REV1: variants seen among roughly 807,000 people sequenced by gnomAD.
The protein encoded by REV1 is REV1 DNA directed polymerase.
Under a neutral mutation model 137.4 loss-of-function variants are expected in REV1, and 42 were observed. The ratio of observed to expected loss-of-function variants is 0.31; its 90% confidence interval spans 0.24 to 0.40. The LOEUF (loss-of-function observed/expected upper bound fraction) is 0.40, where lower values mean the gene tolerates loss of function less well. Ranked by LOEUF, REV1 falls within the 10% of genes least tolerant of loss-of-function variation. The probability of loss-of-function intolerance (pLI) is 1.00; values close to 1 mark genes in which losing one functional copy is unlikely to be tolerated. For synonymous variants in REV1, 524 were observed against 519.2 expected (o/e 1.01, Z -0.12); for missense variants, 1,282 against 1,490.1 (o/e 0.86, Z 2.30).
rs1317040629 is a variant in REV1, at chr2:99,403,038, T to C, written c.3235A>G (p.Thr1079Ala). Reference protein sequence around the residue: ...KEKKRNKKKKTIGSPKRIQSP... With the variant: ...KEKKRNKKKKAIGSPKRIQSP... ...TGAATCCTTTTTGGTGAACCAATGG[T>C]TTTTTTCTTCTTGTTTCTTTTCTTT... The change falls in exon 20 of 23, where the codon ACC becomes GCC. Residue 1079 changes from threonine (T) to alanine (A), a missense_variant. Transcript: ENST00000258428. 4 of 1,613,836 alleles carry C rather than the reference T, an allele frequency of 2.5e-6. No homozygotes were observed. The South Asian group carries it at 4.4e-5, about 18-fold the overall frequency.
chr2:99,411,443 G>C (rs995955815), intron 13 of REV1, among the ~76,000 whole-genome samples: 1 of 110,928 alleles, frequency 9.0e-6, no homozygotes, highest in Non-Finnish European at 1.9e-5. Flanking sequence ...TCTCATTCTT[G>C]TCCCCCAGGC....
chr2:99,429,744 T>G, intron 9 of REV1, 96 bp downstream of exon 9: 1 of 782,580 alleles, frequency 1.3e-6, no homozygotes, highest in Non-Finnish European at 2.0e-6. Flanking sequence ...GTCTGTAACA[T>G]TTAAATCCAC....
intron 7 of REV1, 69 bp from the exon 8 acceptor site, chr2:99,434,517 T>C: frequency 1.1e-6 from 1 of 949,180 alleles, no homozygotes; most frequent in Non-Finnish European, 1.5e-6. Context: ...AGCAAAAATT[T>C]TTCAAAGGAT....
intron 2 of REV1, among the ~76,000 whole-genome samples, chr2:99,464,057 T>C (rs1393988440): frequency 1.3e-5 from 2 of 152,252 alleles, no homozygotes; most frequent in African/African-American, 4.8e-5. Context: ...ATACAATGAA[T>C]GCTCCAGTGG....
intron 9 of REV1, among the ~76,000 whole-genome samples, chr2:99,428,873 T>A (rs1277597788): frequency 6.6e-6 from 1 of 151,596 alleles, no homozygotes; most frequent in African/African-American, 2.4e-5. Context: ...GCACCTGTAG[T>A]CCCAGCTACT....
intron 1 of REV1, among the ~76,000 whole-genome samples, chr2:99,482,444 T>C (rs553030419): frequency 1.5e-4 from 23 of 152,316 alleles, no homozygotes; most frequent in African/African-American, 5.5e-4. Flanking sequence ...TTGTAGCCAG[T>C]TGGTCAGAGT....
intron 2 of REV1, 101 bp from the exon 3 acceptor site, chr2:99,462,723 A>G: frequency 8.5e-7 from 1 of 1,178,640 alleles, no homozygotes; most frequent in Non-Finnish European, 1.2e-6. Context: ...AATGGACCTT[A>G]TTCTGTGCTA....
intron 1 of REV1, among the ~76,000 whole-genome samples, chr2:99,478,734 C>G (rs972675518): frequency 6.6e-6 from 1 of 152,172 alleles, no homozygotes; most frequent in Non-Finnish European, 1.5e-5. Flanking sequence ...ATCAGAATCA[C>G]TAGCACAGGG....
intron 1 of REV1, among the ~76,000 whole-genome samples, chr2:99,466,235 G>A (rs1245520829): frequency 6.6e-6 from 1 of 151,504 alleles, no homozygotes. Context: ...ACAGGCGTAA[G>A]CCACCGTGCC....
intron 3 of REV1, among the ~76,000 whole-genome samples, 195 bp from the exon 4 acceptor site, chr2:99,449,699 C>A (rs1438199228): frequency 6.6e-6 from 1 of 152,156 alleles, no homozygotes; most frequent in East Asian, 1.9e-4. Flanking sequence ...TCCCCCTTCC[C>A]TGGCTGCCAG....
At chr2:99,407,850 A>T (rs1041319772) in intron 15 of REV1, among the ~76,000 whole-genome samples, 179 bp downstream of exon 15, 15 of 152,170 alleles carry the variant, frequency 9.9e-5, no homozygotes, top group African/African-American at 3.6e-4. Flanking sequence ...TTCTAAAATG[A>T]AGGAGGTCAA....
rs1677369552 is a variant in REV1, at chr2:99,412,882, A to C, written c.2021T>G (p.Met674Arg). ...TTCTTTTTGGAGTTTTGCCATGGTC[A>C]TATACTGCAAGTCTCCACAAGTTTT... is the stretch of plus-strand genomic sequence containing the variant. ...GIKTCGDLQY[M>R]TMAKLQKEFG... The change falls in exon 13 of 23, where the codon ATG becomes AGG. Residue 674 changes from methionine (M) to arginine (R), a missense_variant. Physicochemically the swap from Met to Arg is moderately conservative, Grantham distance 91. Coordinates refer to ENST00000258428, the MANE Select transcript of REV1 (RefSeq NM_016316.4). 2 of 1,614,196 alleles carry C rather than the reference A, an allele frequency of 1.2e-6. No individual in the cohort carries two copies. Among genetic ancestry groups the C allele is most frequent in the East Asian group, 4.5e-5 (2 of 44,874 alleles).
intron 3 of REV1, among the ~76,000 whole-genome samples, 191 bp from the exon 4 acceptor site, chr2:99,449,695 T>A (rs1353760637): frequency 6.6e-6 from 1 of 152,182 alleles, no homozygotes; most frequent in African/African-American, 2.4e-5. Flanking sequence ...TACATCCCCC[T>A]TCCCTGGCTG....
At position 99,404,439 on chromosome 2, in the gene REV1, CT is replaced by C; in HGVS notation, c.3045+4del. The C allele has an allele frequency of 6.2e-7, 1 of 1,610,244 alleles. No homozygotes were observed. ...TACAGCAGAGGGTTCCCATATTTAA[CT>C]TACCTGTGAAAATGCTGGAAGGGCT... On this transcript the variant is annotated splice_donor_region_variant and intron_variant, in intron 18 of 22. Transcript: ENST00000258428.
intron 4 of REV1, among the ~76,000 whole-genome samples, chr2:99,446,681 G>A (rs977092892): frequency 3.9e-5 from 6 of 152,074 alleles, no homozygotes; most frequent in Non-Finnish European, 8.8e-5. Flanking sequence ...TTTTAGTAGA[G>A]ACAGGCTTTC....
chr2:99,462,430 AAAC>A, intron 3 of REV1, 63 bp downstream of exon 3: 1 of 1,449,036 alleles, frequency 6.9e-7, no homozygotes, highest in South Asian at 1.3e-5. Context: ...TAGAATTTTA[AAAC>A]AAATCATTCT....
chr2:99,453,754 A>G (rs1342911665), intron 3 of REV1, among the ~76,000 whole-genome samples: 1 of 151,860 alleles, frequency 6.6e-6, no homozygotes, highest in Admixed American at 6.6e-5. Context: ...TCAGCTGGGC[A>G]TGGTAACACG....
chr2:99,447,705 G>A (rs1682395430), intron 4 of REV1, among the ~76,000 whole-genome samples: 2 of 151,956 alleles, frequency 1.3e-5, no homozygotes, highest in African/African-American at 2.4e-5. Flanking sequence ...GGTCCTGAGT[G>A]ACTGCATAAA....
At chr2:99,467,913 G>C (rs1384959117) in intron 1 of REV1, among the ~76,000 whole-genome samples, 1 of 152,164 alleles carries the variant, frequency 6.6e-6, no homozygotes, top group Non-Finnish European at 1.5e-5. Flanking sequence ...GGGCACGATG[G>C]CTCACGCCTA....
Sources: gnomAD v4.1 joint callset for allele counts (sites outside exome capture counted in the v4.1 genomes callset) on GRCh38, gnomAD v4.1.1 for gene constraint, MANE v1.5 for transcripts, NCBI Gene and HGNC (gene_info 2026-07-23, HGNC 2026-07-21) for gene names.